The following NFASC variants were observed in gnomAD, a reference collection of about 807,000 sequenced individuals.
NFASC encodes the protein neurofascin homolog.
A neutral mutation model predicts 147.5 loss-of-function variants in NFASC; 43 were observed. The ratio of observed to expected loss-of-function variants is 0.29; its 90% CI spans 0.23 to 0.38. The LOEUF (loss-of-function observed/expected upper bound fraction) is 0.38. NFASC is among the 10% of genes least tolerant of loss of function. The probability of loss-of-function intolerance (pLI) is 1.00; values close to 1 mark genes in which losing one functional copy is unlikely to be tolerated. For synonymous variants in NFASC, 622 were observed against 665.5 expected (o/e 0.93, Z 1.01); for missense variants, 1,320 against 1,689.0 (o/e 0.78, Z 3.83).
intron 8 of NFASC, among the ~76,000 whole-genome samples, chr1:204,964,367 T>C (rs761581243): frequency 1.3e-4 from 20 of 152,278 alleles, no homozygotes; most frequent in Non-Finnish European, 2.4e-4. Context: ...AGTTCTTCTA[T>C]GCTTCTGAAA....
At chr1:204,863,814 C>T (rs1437344514) in intron 1 of NFASC, among the ~76,000 whole-genome samples, 2 of 141,874 alleles carry the variant, frequency 1.4e-5, no homozygotes, top group African/African-American at 5.3e-5. Flanking sequence ...CGCCACTTTA[C>T]TCCAGCCTAG....
rs980511789 is a variant in NFASC, at chr1:204,968,678, G to A, written c.819-120G>A. 27 of 839,380 alleles carry A rather than the reference G, an allele frequency of 3.2e-5. No individual in the cohort carries two copies. In the African/African-American group the frequency reaches 4.5e-4, roughly 14 times the overall value. The allele number at this position is 839,380 out of a possible 1,614,324, so 52.0% of individuals were successfully genotyped here. A position where few individuals can be genotyped will look rare whatever the true frequency, so the allele number is the denominator to read the frequency against. On this transcript the variant is annotated intron_variant, in intron 9 of 29. Coordinates refer to ENST00000339876, the MANE Select transcript of NFASC (RefSeq NM_001005388.3). This position sits in a 1 kb window ranked among gnomAD's most constrained non-coding sequence, Gnocchi z 5.4. ...TGCACAGGAAAGATCAGCTTTTAGA[G>A]GACATGCATCCTCCTGGGCCCAAGT... is the stretch of plus-strand genomic sequence containing the variant.
At chr1:204,940,434 CAG>C (rs2093282664) in intron 2 of NFASC, among the ~76,000 whole-genome samples, 1 of 152,202 alleles carries the variant, frequency 6.6e-6, no homozygotes, top group Non-Finnish European at 1.5e-5. Context: ...GCCTGGGCAA[CAG>C]AGTGAGATTC....
chr1:204,972,337 CA>C (rs561155354), intron 11 of NFASC, among the ~76,000 whole-genome samples: 73 of 152,306 alleles, frequency 4.8e-4, no homozygotes, highest in African/African-American at 1.7e-3. Flanking sequence ...AGAAAAGTGG[CA>C]ATTCTTTACA....
Position 204,997,146 on chromosome 1 carries a change from G to A in NFASC, c.2783-24G>A, listed in dbSNP as rs371951644. The A allele has an allele frequency of 1.6e-5, 25 of 1,595,334 alleles. 1 individual carries two copies. Among genetic ancestry groups the A allele is most frequent in the Admixed American group, 5.1e-5 (3 of 59,338 alleles). ...GGGCACAGCCAAACCAACCAGACTC[G>A]GCTGTTTTACATTTCCCTCTCAGCT... On this transcript the variant is annotated intron_variant, in intron 24 of 29. Transcript: ENST00000339876.
intron 1 of NFASC, among the ~76,000 whole-genome samples, chr1:204,883,156 T>C (rs1477673364): frequency 2.0e-5 from 3 of 152,150 alleles, no homozygotes; most frequent in African/African-American, 4.8e-5. Context: ...TGGCACTGGA[T>C]GACTCGCACT....
chr1:204,874,881 AG>A (rs2078448023), intron 1 of NFASC, among the ~76,000 whole-genome samples: 1 of 152,192 alleles, frequency 6.6e-6, no homozygotes, highest in African/African-American at 2.4e-5. Context: ...TGGTGGGGGC[AG>A]GTGGCATCAT....
At chr1:204,901,423 G>A (rs1016388554) in intron 1 of NFASC, among the ~76,000 whole-genome samples, 2 of 152,150 alleles carry the variant, frequency 1.3e-5, no homozygotes, top group African/African-American at 4.8e-5. Flanking sequence ...CAGATGCTAA[G>A]TGAAGGATGT....
rs1366718649 is a variant in NFASC at position 204,979,791 on chromosome 1, A to G, written c.2176+232A>G. ...GCCTGGCATGTAGTGAGCACATGAT[A>G]AATGCTAACTTCCATTTTTATTATT... On this transcript the variant is annotated intron_variant, in intron 19 of 29. Coordinates refer to ENST00000339876, the MANE Select transcript of NFASC (RefSeq NM_001005388.3). This position sits in a 1 kb window ranked among gnomAD's most constrained non-coding sequence, Gnocchi z 6.0. 6.6e-6 allele frequency among the ~76,000 whole-genome samples: 1 copy of G among 152,246 alleles called. No individual in the cohort carries two copies. The highest frequency in any genetic ancestry group is 1.5e-5 in the Non-Finnish European group (1 of 68,048).
chr1:204,948,354 C>A (rs2093913743), intron 3 of NFASC, among the ~76,000 whole-genome samples: 1 of 152,234 alleles, frequency 6.6e-6, no homozygotes, highest in Non-Finnish European at 1.5e-5. Flanking sequence ...CTTAGTAGCA[C>A]AGTGGTGGCT....
intron 1 of NFASC, among the ~76,000 whole-genome samples, chr1:204,867,794 T>C (rs754107870): frequency 1.3e-4 from 20 of 152,034 alleles, no homozygotes; most frequent in Non-Finnish European, 2.5e-4. Flanking sequence ...TAGCAGCCAC[T>C]CCAAGCAGAG....
Position 204,988,742 on chromosome 1 carries a change from C to T in NFASC, c.2703C>T (p.Ser901=), listed in dbSNP as rs142292676. The change falls in exon 23 of 30, where the codon AGC becomes AGT. Residue 901 remains serine, a synonymous_variant. Coordinates refer to ENST00000339876, the MANE Select transcript of NFASC (RefSeq NM_001005388.3). ...TGTCACGCTACCGCTTTACCCTCAG[C>T]GCCAGGACGCAGGTGGGCTCTGGGG... The part of the protein sequence containing the change: ...DPVSRYRFTL[S]ARTQVGSGEA... 4.7e-4 allele frequency: 766 copies of T among 1,614,216 alleles called. 7 individuals are homozygous for T. The highest frequency in any genetic ancestry group is 4.2e-3 in the South Asian group (382 of 91,082).
chr1:205,005,541 G>A (rs1315526848), intron 27 of NFASC, among the ~76,000 whole-genome samples: 3 of 152,226 alleles, frequency 2.0e-5, no homozygotes, highest in Non-Finnish European at 4.4e-5. Flanking sequence ...TTTGCACACA[G>A]ATATTACTGG....
chr1:204,944,027 A>C (rs913244679), intron 2 of NFASC, among the ~76,000 whole-genome samples, 199 bp from the exon 3 acceptor site: 1 of 152,202 alleles, frequency 6.6e-6, no homozygotes, highest in African/African-American at 2.4e-5. Flanking sequence ...TAAACATCTT[A>C]CAATACCCAG....
At chr1:204,850,027 T>A (rs533616780) in intron 1 of NFASC, among the ~76,000 whole-genome samples, 6 of 152,332 alleles carry the variant, frequency 3.9e-5, no homozygotes, top group African/African-American at 1.4e-4. Context: ...TTTCCTGCAG[T>A]GGGCTCTGGA....
chr1:204,951,150 AT>A (rs35794512), intron 4 of NFASC, among the ~76,000 whole-genome samples: 20,785 of 133,108 alleles, frequency 0.16, 1,904 homozygotes, highest in African/African-American at 0.3. Flanking sequence ...ATGCTATGGG[AT>A]TTTTTTTTTT....
At chr1:204,830,880 G>A (rs996441954) in intron 1 of NFASC, among the ~76,000 whole-genome samples, 7 of 152,176 alleles carry the variant, frequency 4.6e-5, no homozygotes, top group Admixed American at 1.3e-4. Context: ...CCAAGTGACT[G>A]GACTCCTTCA....
chr1:204,906,904 G>C (rs12061589), intron 1 of NFASC, among the ~76,000 whole-genome samples: 21,935 of 151,572 alleles, frequency 0.14, 1,743 homozygotes, highest in African/African-American at 0.22. Flanking sequence ...AGGATGGTCT[G>C]CATCTCCTGA....
chr1:204,887,575 A>C (rs1288646464), intron 1 of NFASC, among the ~76,000 whole-genome samples: 8 of 95,668 alleles, frequency 8.4e-5, no homozygotes, highest in Non-Finnish European at 1.5e-4. Context: ...TTTTTTGAGG[A>C]GCCTGATTGG....
Sources: allele counts gnomAD v4.1 joint callset (sites outside exome capture counted in the v4.1 genomes callset), GRCh38; gene constraint gnomAD v4.1.1; non-coding constraint Gnocchi (gnomAD v3.1); transcripts MANE v1.5; gene names NCBI Gene and HGNC (gene_info 2026-07-23, HGNC 2026-07-21).